The following F2RL1 variants were observed in gnomAD, a reference collection of about 807,000 sequenced individuals.
The protein encoded by F2RL1 is F2R like trypsin receptor 1, also known as proteinase-activated receptor 2.
A neutral mutation model predicts 21.7 loss-of-function variants in F2RL1; 16 were observed. The ratio of observed to expected loss-of-function variants is 0.74; its 90% CI spans 0.50 to 1.12. The LOEUF is 1.12. Ranked by LOEUF, F2RL1 falls within the 50% of genes most tolerant of loss-of-function variation. F2RL1 has a pLI of 0.00. For synonymous variants in F2RL1, 181 were observed against 186.7 expected (o/e 0.97, Z 0.25); for missense variants, 432 against 477.8 (o/e 0.90, Z 0.89).
At chr5:76,823,241 A>AT (rs1322061209) in intron 1 of F2RL1, among the ~76,000 whole-genome samples, 3 of 151,828 alleles carry the variant, frequency 2.0e-5, no homozygotes, top group African/African-American at 7.3e-5. Context: ...AAAAAAAAAA[A>AT]AAGTTTTACA....
intron 1 of F2RL1, among the ~76,000 whole-genome samples, chr5:76,824,159 A>C (rs111946556): frequency 0.058 from 5,021 of 86,228 alleles, 18 homozygotes; most frequent in African/African-American, 0.097. Flanking sequence ...TCCCCACCAC[A>C]CCCCCCCCCC....
Position 76,833,416 on chromosome 5 carries a change from G to A in F2RL1, c.809G>A (p.Arg270Gln), listed in dbSNP as rs2243062. ...SAYVLMIRML[R>Q]SSAMDENSEK... ...TATGTGCTGATGATCAGAATGCTGC[G>A]ATCTTCTGCCATGGATGAAAACTCA... Residue 270 changes from arginine to glutamine, a missense_variant, in exon 2 of 2, where the codon CGA becomes CAA. By Grantham distance (43) the Arg-to-Gln change is conservative (BLOSUM62 1). Transcript: ENST00000296677. 3,860 of 1,613,800 alleles carry A rather than the reference G, an allele frequency of 2.4e-3. 83 individuals are homozygous for A. The African/African-American group carries it at 0.045, about 19-fold the overall frequency.
At chr5:76,827,879 G>A (rs865782525) in intron 1 of F2RL1, among the ~76,000 whole-genome samples, 1 of 152,242 alleles carries the variant, frequency 6.6e-6, no homozygotes, top group South Asian at 2.1e-4. Flanking sequence ...TTACAGGCGT[G>A]AGCCACTGCG....
At chr5:76,829,965 A>G (rs1309820587) in intron 1 of F2RL1, among the ~76,000 whole-genome samples, 1 of 152,222 alleles carries the variant, frequency 6.6e-6, no homozygotes, top group East Asian at 1.9e-4. Flanking sequence ...CACTAGAAAT[A>G]GGACTATCCT....
At chr5:76,827,779 T>C (rs565329872) in intron 1 of F2RL1, among the ~76,000 whole-genome samples, 167 of 151,792 alleles carry the variant, frequency 1.1e-3, no homozygotes, top group African/African-American at 3.7e-3. Flanking sequence ...TTTGTATTTT[T>C]AATAGAGATG....
chr5:76,830,836 G>T (rs1750337494), intron 1 of F2RL1, among the ~76,000 whole-genome samples: 1 of 152,140 alleles, frequency 6.6e-6, no homozygotes, highest in South Asian at 2.1e-4. Flanking sequence ...AAATAGGGAA[G>T]CATTAAGATG....
Position 76,833,642 on chromosome 5 carries a change from CT to C in F2RL1, c.1038del (p.Phe346LeufsTer22). 3.1e-6 allele frequency: 5 copies of C among 1,614,034 alleles called. No individual in the cohort carries two copies. Among genetic ancestry groups the C allele is most frequent in the Non-Finnish European group, 3.4e-6 (4 of 1,180,000 alleles). ...NSCIDPFVYYFVSHDFRDHAK... is the reference protein window; with the variant it reads ...NSCIDPFVYYXVSHDFRDHAK... Reference sequence around the variant, plus strand: ...GCTGCATCGACCCCTTTGTCTATTACTTTGTTTCACATGATTTCAGGGATCA... The same window carrying C: ...GCTGCATCGACCCCTTTGTCTATTACTTGTTTCACATGATTTCAGGGATCA... On this transcript the variant is annotated frameshift_variant, in exon 2 of 2. Transcript: ENST00000296677. LOFTEE classifies it high-confidence loss of function.
chr5:76,833,858 T>C lies in F2RL1; in HGVS notation c.*57T>C. 1 of 1,537,426 alleles carries C rather than the reference T, an allele frequency of 6.5e-7. No individual in the cohort carries two copies. The highest frequency in any genetic ancestry group is 2.3e-5 in the East Asian group (1 of 44,240). On this transcript the variant is annotated 3_prime_UTR_variant, in exon 2 of 2. Coordinates refer to ENST00000296677, the MANE Select transcript of F2RL1 (RefSeq NM_005242.6). ...GTAGGATGTGGAACCTGTTTAATGT[T>C]ATGAGGACGTGTCTGTTATTTCCTA...
chr5:76,823,419 GGAGGGC>G (rs1750180018), intron 1 of F2RL1, among the ~76,000 whole-genome samples: 1 of 143,850 alleles, frequency 7.0e-6, no homozygotes, highest in African/African-American at 2.7e-5. Flanking sequence ...CGCCCAGGCT[GGAGGGC>G]TGGAGTGCAG....
chr5:76,820,104 G>C (rs1750103138), intron 1 of F2RL1, among the ~76,000 whole-genome samples: 1 of 152,220 alleles, frequency 6.6e-6, no homozygotes, highest in African/African-American at 2.4e-5. Flanking sequence ...CTGCAGGCCA[G>C]AGGCTGGCTG....
rs921080403 is a variant in F2RL1 at position 76,829,805 on chromosome 5, T to G, written c.83-2885T>G. ...TTGTGAAACGTTTTTCCACCATGGATATGTGTATTGGGAACTGGGTTAGTA... is the reference window on the plus strand; with the variant it reads ...TTGTGAAACGTTTTTCCACCATGGAGATGTGTATTGGGAACTGGGTTAGTA... On this transcript the variant is annotated intron_variant, in intron 1 of 1. Coordinates refer to ENST00000296677, the MANE Select transcript of F2RL1 (RefSeq NM_005242.6). 5.7e-4 allele frequency among the ~76,000 whole-genome samples: 87 copies of G among 152,214 alleles called. 1 individual carries two copies. Among genetic ancestry groups the G allele is most frequent in the Admixed American group, 5.7e-3 (87 of 15,276 alleles).
chr5:76,830,713 G>A (rs779377044), intron 1 of F2RL1, among the ~76,000 whole-genome samples: 1 of 152,174 alleles, frequency 6.6e-6, no homozygotes, highest in African/African-American at 2.4e-5. Context: ...AGAGTCTGGC[G>A]ATTAGGACAT....
chr5:76,829,263 C>CTTT (rs57404989), intron 1 of F2RL1, among the ~76,000 whole-genome samples: 4 of 46,018 alleles, frequency 8.7e-5, no homozygotes, highest in Admixed American at 2.7e-4. Flanking sequence ...TCTTCTTCTT[C>CTTT]TTTTTTTTTT....
rs755413691 is a variant in F2RL1, at chr5:76,828,485, C to CT, written c.83-4189dup. Among the ~76,000 whole-genome samples the CT allele has an allele frequency of 1.5e-3, 179 of 117,500 alleles. 1 individual carries two copies. Among genetic ancestry groups the CT allele is most frequent in the South Asian group, 0.015 (45 of 3,042 alleles). The allele number at this position is 117,500 out of a possible 152,430, so 77.1% of individuals were successfully genotyped here. On this transcript the variant is annotated intron_variant, in intron 1 of 1. Coordinates refer to ENST00000296677, the MANE Select transcript of F2RL1 (RefSeq NM_005242.6). ...ATTCAGTCAGTATTCAAATTTCTTT[C>CT]TTTTTTTTTTTTTTTTAATATAGAG...
intron 1 of F2RL1, among the ~76,000 whole-genome samples, chr5:76,821,846 G>T (rs1043936698): frequency 1.3e-5 from 2 of 151,972 alleles, no homozygotes; most frequent in African/African-American, 4.8e-5. Context: ...CTCCCAAAGT[G>T]CTGGGATTAC....
At chr5:76,819,920 G>T (rs372051128) in intron 1 of F2RL1, among the ~76,000 whole-genome samples, 33 of 152,218 alleles carry the variant, frequency 2.2e-4, no homozygotes, top group Admixed American at 9.2e-4. Context: ...AGTCAGGGCC[G>T]GTCCCTGATG....
chr5:76,825,795 T>C lies in F2RL1; in HGVS notation c.82+6531T>C, dbSNP rs114255157. On this transcript the variant is annotated intron_variant, in intron 1 of 1. Coordinates refer to ENST00000296677, the MANE Select transcript of F2RL1 (RefSeq NM_005242.6). ...TTTACCAGTGTTATAGAACAGTTAATATCAACAATAGTTTTGATGGAGACC... is the reference window on the plus strand; with the variant it reads ...TTTACCAGTGTTATAGAACAGTTAACATCAACAATAGTTTTGATGGAGACC... 4.2e-3 allele frequency among the ~76,000 whole-genome samples: 645 copies of C among 152,300 alleles called. 6 individuals are homozygous for C. The highest frequency in any genetic ancestry group is 0.014 in the African/African-American group (599 of 41,564).
rs753819463 is a variant in F2RL1, at chr5:76,819,230, A to G, written c.48A>G (p.Leu16=). The change falls in exon 1 of 2, where the codon CTA becomes CTG. Residue 16 remains leucine, a synonymous_variant. Coordinates refer to ENST00000296677, the MANE Select transcript of F2RL1 (RefSeq NM_005242.6). ...GGCTGCTGGGGGCCGCCATCCTGCT[A>G]GCAGCCTCTCTCTCCTGCAGTGGCA... ...AAWLLGAAIL[L]AASLSCSGTI... 2.5e-6 allele frequency: 4 copies of G among 1,592,064 alleles called. No individual in the cohort carries two copies. The highest frequency in any genetic ancestry group is 3.4e-6 in the Non-Finnish European group (4 of 1,177,816).
chr5:76,831,998 A>AC (rs1027319921), intron 1 of F2RL1, among the ~76,000 whole-genome samples: 3 of 150,784 alleles, frequency 2.0e-5, no homozygotes, highest in African/African-American at 4.9e-5. Context: ...ACATAGCAAG[A>AC]CCCCATCTCT....
Sources: allele counts gnomAD v4.1 joint callset (sites outside exome capture counted in the v4.1 genomes callset), GRCh38; gene constraint gnomAD v4.1.1; transcripts MANE v1.5; gene names NCBI Gene and HGNC (gene_info 2026-07-23, HGNC 2026-07-21).